Variants in MED14 observed in about 807,000 individuals in gnomAD.
MED14 encodes mediator complex subunit 14, also known as mediator of RNA polymerase II transcription subunit 14.
In MED14, 8 loss-of-function variants were observed where a neutral mutation model predicts 109.0. The observed-to-expected ratio is 0.07, with a 90% CI of 0.04 to 0.13. The LOEUF (loss-of-function observed/expected upper bound fraction) is 0.13. Among genes scored for constraint, MED14 ranks in the 10% least tolerant of loss-of-function variants. The probability of loss-of-function intolerance (pLI) is 1.00; values close to 1 mark genes in which losing one functional copy is unlikely to be tolerated. For synonymous variants in MED14, 399 were observed against 408.7 expected (o/e 0.98, Z 0.29); for missense variants, 711 against 1,142.4 (o/e 0.62, Z 5.44).
chrX:40,728,343 C>G (rs190374871), intron 2 of MED14, among the ~76,000 whole-genome samples: 1 of 111,402 alleles, frequency 9.0e-6, no homozygotes, highest in East Asian at 2.8e-4. Context: ...TACCCCAGAG[C>G]GGACAGAACA....
intron 13 of MED14, among the ~76,000 whole-genome samples, chrX:40,696,421 G>T (rs1479672572): frequency 9.0e-6 from 1 of 110,903 alleles, no homozygotes; most frequent in Non-Finnish European, 1.9e-5. Context: ...TTACAGGTGT[G>T]AGCCACCGTG....
rs10642445 is a variant in MED14, at chrX:40,702,356, T to TG, written c.1411+1087_1411+1088insC. On this transcript the variant is annotated intron_variant, in intron 11 of 30. Transcript: ENST00000324817. ...TTAAATATAAGTTTTGTTTTTTTTT[T>TG]TTTTTTTTGAGACGGAGTCTCGCTC... Among the ~76,000 whole-genome samples the TG allele has an allele frequency of 8.7e-3, 902 of 103,590 alleles. 14 individuals carry two copies. Among genetic ancestry groups the TG allele is most frequent in the African/African-American group, 0.031 (856 of 27,855 alleles). 90.0% of individuals were successfully genotyped at this position (103,590 alleles called of 115,157 possible).
rs1036289656 is a variant in MED14, at chrX:40,651,814, G to A, written c.4357C>T (p.Arg1453Cys). Residue 1453 changes from arginine (R) to cysteine (C), a missense_variant, in exon 31 of 31, where the codon CGT (arginine) becomes TGT (cysteine). Physicochemically the swap from Arg to Cys is radical, Grantham distance 180 (BLOSUM62 -3). Coordinates refer to ENST00000324817, the MANE Select transcript of MED14 (RefSeq NM_004229.4). ...MANLTLPPGG[R>C]P ...TTTAAAAACAATAGTGTCTATGGAC[G>A]CCCACCAGGGGGCAGTGTAAGATTA... The A allele has an allele frequency of 3.4e-6, 4 of 1,191,833 alleles. No homozygotes were observed. Among genetic ancestry groups the A allele is most frequent in the Non-Finnish European group, 4.5e-6 (4 of 886,499 alleles).
At chrX:40,664,204 C>T in intron 25 of MED14, 103 bp downstream of exon 25, 1 of 746,647 alleles carries the variant, frequency 1.3e-6, no homozygotes. Context: ...TTTAAGTATC[C>T]TCTCTCAAAA....
intron 3 of MED14, among the ~76,000 whole-genome samples, chrX:40,719,207 G>A (rs1602490833): frequency 8.9e-6 from 1 of 112,110 alleles, no homozygotes; most frequent in East Asian, 2.8e-4. Flanking sequence ...ATTGCTGGTG[G>A]AAATGTAAAA....
At chrX:40,689,576 A>G (rs1930419183) in intron 15 of MED14, among the ~76,000 whole-genome samples, 1 of 110,156 alleles carries the variant, frequency 9.1e-6, no homozygotes, top group African/African-American at 3.3e-5. Context: ...CTGTAATCTC[A>G]GCTACTTGGG....
chrX:40,728,536 A>G (rs1931968856), intron 2 of MED14, among the ~76,000 whole-genome samples: 1 of 106,322 alleles, frequency 9.4e-6, no homozygotes, highest in African/African-American at 3.4e-5. Context: ...ATTTGGTATA[A>G]AAAAAAAAAA....
rs1928754973 is a variant in MED14, at chrX:40,648,890, T to TA, written c.*2915dup. ...CCTAAGTAAATTTAAATCACATCCT[T>TA]AGACACACTGTCCATTCTCAAACCG... is the stretch of plus-strand genomic sequence containing the variant. On this transcript the variant is annotated 3_prime_UTR_variant, in exon 31 of 31. Coordinates refer to ENST00000324817, the MANE Select transcript of MED14 (RefSeq NM_004229.4). 2 of 111,523 alleles carry TA rather than the reference T, an allele frequency of 1.8e-5. No individual in the cohort carries two copies. The highest frequency in any genetic ancestry group is 3.8e-5 in the Non-Finnish European group (2 of 53,066). 9.2% of individuals were successfully genotyped at this position (111,523 alleles called of 1,213,427 possible).
At chrX:40,698,688 G>T (rs769482249) in intron 12 of MED14, among the ~76,000 whole-genome samples, 1 of 111,474 alleles carries the variant, frequency 9.0e-6, no homozygotes, top group East Asian at 2.8e-4. Context: ...TATTTGTTGG[G>T]GAAATATAAA....
chrX:40,709,848 T>C (rs1931275532), intron 9 of MED14, 131 bp downstream of exon 9: 1 of 398,702 alleles, frequency 2.5e-6, no homozygotes, highest in Non-Finnish European at 4.3e-6. Flanking sequence ...GTGTAACATT[T>C]ACTTAAAATA....
chrX:40,714,308 C>T (rs1369634395), intron 4 of MED14, among the ~76,000 whole-genome samples: 23 of 111,749 alleles, frequency 2.1e-4, no homozygotes, highest in Non-Finnish European at 1.5e-4. Context: ...TCTGCACATC[C>T]GCGCATCCCT....
At chrX:40,709,558 GA>G in intron 9 of MED14, 99 bp from the exon 10 acceptor site, 1 of 369,417 alleles carries the variant, frequency 2.7e-6, no homozygotes, top group Non-Finnish European at 4.6e-6. Context: ...TTTCCTTTTG[GA>G]ATCACACTGA....
chrX:40,701,072 A>G, intron 12 of MED14, 93 bp downstream of exon 12: 1 of 583,009 alleles, frequency 1.7e-6, no homozygotes. Context: ...AACCTTAAGG[A>G]CAGTGAATGA....
intron 3 of MED14, among the ~76,000 whole-genome samples, chrX:40,723,693 A>T (rs1312169557): frequency 1.9e-5 from 2 of 106,050 alleles, no homozygotes; most frequent in Non-Finnish European, 1.9e-5. Context: ...AAAAAAAAAA[A>T]ATACAATGGA....
intron 23 of MED14, among the ~76,000 whole-genome samples, chrX:40,668,383 C>CAAAAAAAAAAAAAAAAAAAAAAAAAAAA: frequency 2.3e-5 from 1 of 43,331 alleles, no homozygotes; most frequent in Non-Finnish European, 3.8e-5. Context: ...ACTCTGTCTC[C>CAAAAAAAAAAAAAAAAAAAAAAAAAAAA]AAAAAAAAAA....
chrX:40,651,937 C>A lies in MED14; in HGVS notation c.4292-58G>T, dbSNP rs1050507431. The A allele has an allele frequency of 3.6e-6, 4 of 1,098,613 alleles. No individual in the cohort carries two copies. In the South Asian group the frequency reaches 9.7e-5, roughly 27 times the overall value. 90.5% of individuals were successfully genotyped at this position (1,098,613 alleles called of 1,213,427 possible). ...ACAACACAGGAAAGATGTTAACACA[C>A]CGGTAAGGGAAGGGGTAATTAAATC... On this transcript the variant is annotated intron_variant, in intron 30 of 30. Transcript: ENST00000324817.
intron 3 of MED14, among the ~76,000 whole-genome samples, chrX:40,724,053 C>T (rs1330542355): frequency 2.7e-5 from 3 of 111,725 alleles, no homozygotes; most frequent in Non-Finnish European, 5.6e-5. Context: ...AGTAGCTATA[C>T]TTAGGCAAAA....
At chrX:40,689,120 T>C (rs1930401599) in intron 15 of MED14, among the ~76,000 whole-genome samples, 1 of 112,376 alleles carries the variant, frequency 8.9e-6, no homozygotes. Context: ...TCCATGGGAC[T>C]GCAAGTAATT....
In MED14 at chrX:40,735,512, C is replaced by CACCGCCT; in HGVS notation, c.-107_-101dup. The CACCGCCT allele has an allele frequency of 3.8e-6, 3 of 797,442 alleles. No individual in the cohort carries two copies. 65.7% of individuals were successfully genotyped at this position (797,442 alleles called of 1,213,427 possible). ...CCGAAACGGGAGCGGGCAGAGTCGC[C>CACCGCCT]ACCGCCTACCGCCGGGCCGCCTCAG... On this transcript the variant is annotated 5_prime_UTR_variant, in exon 1 of 31. Coordinates refer to ENST00000324817, the MANE Select transcript of MED14 (RefSeq NM_004229.4).
Sources: allele counts gnomAD v4.1 joint callset (sites outside exome capture counted in the v4.1 genomes callset), GRCh38; gene constraint gnomAD v4.1.1; transcripts MANE v1.5; gene names NCBI Gene and HGNC (gene_info 2026-07-23, HGNC 2026-07-21).